Variants in GRID2 observed in about 807,000 individuals in gnomAD.
The protein encoded by GRID2 is glutamate receptor ionotropic, delta-2.
GRID2 carries 33 observed loss-of-function variants against 114.8 expected under a neutral mutation model. That is an observed-to-expected ratio of 0.29 (90% CI 0.22 to 0.38). The LOEUF (loss-of-function observed/expected upper bound fraction) is 0.38. Among genes scored for constraint, GRID2 ranks in the 10% least tolerant of loss-of-function variants. GRID2 has a pLI of 1.00. For missense variants in GRID2, 1,184 were observed against 1,257.7 expected, an observed-to-expected ratio of 0.94 and a Z score of 0.89; for synonymous variants, 505 against 449.9, an observed-to-expected ratio of 1.12 and a Z score of -1.55.
intron 14 of GRID2, among the ~76,000 whole-genome samples, chr4:93,696,022 C>T (rs1314434314): frequency 1.3e-5 from 2 of 152,196 alleles, no homozygotes; most frequent in Non-Finnish European, 2.9e-5. Flanking sequence ...AACGTATTTA[C>T]ACACTGCTTA....
At chr4:93,702,829 T>C in intron 14 of GRID2, among the ~76,000 whole-genome samples, 1 of 152,182 alleles carries the variant, frequency 6.6e-6, no homozygotes, top group Non-Finnish European at 1.5e-5. Flanking sequence ...AAATGCAGTT[T>C]GCATTCTAAT....
intron 7 of GRID2, among the ~76,000 whole-genome samples, chr4:93,228,298 G>A (rs370667534): frequency 2.0e-5 from 3 of 152,080 alleles, no homozygotes; most frequent in African/African-American, 4.8e-5. Flanking sequence ...GCAAGCAAGC[G>A]CATGAGACAG....
intron 13 of GRID2, among the ~76,000 whole-genome samples, chr4:93,573,830 A>T (rs535577036): frequency 6.6e-6 from 1 of 152,278 alleles, no homozygotes; most frequent in East Asian, 1.9e-4. Flanking sequence ...TAGATAAAAC[A>T]TTGTTGAAAT....
At chr4:92,628,033 C>G (rs1730608071) in intron 2 of GRID2, among the ~76,000 whole-genome samples, 1 of 152,046 alleles carries the variant, frequency 6.6e-6, no homozygotes, top group African/African-American at 2.4e-5. Flanking sequence ...TGATCGAGAG[C>G]ATAGCTAATA....
chr4:93,608,177 A>C (rs1740484174), intron 13 of GRID2, among the ~76,000 whole-genome samples: 1 of 150,144 alleles, frequency 6.7e-6, no homozygotes. Flanking sequence ...TTCTGGATTT[A>C]ATAAGTTGGT....
chr4:93,177,506 C>A (rs1459292043), intron 4 of GRID2, among the ~76,000 whole-genome samples: 1 of 151,974 alleles, frequency 6.6e-6, no homozygotes, highest in Non-Finnish European at 1.5e-5. Context: ...AGATTTAAAC[C>A]CACGTATATC....
intron 2 of GRID2, among the ~76,000 whole-genome samples, chr4:92,784,776 C>A (rs2149360616): frequency 6.6e-6 from 1 of 151,880 alleles, no homozygotes; most frequent in South Asian, 2.1e-4. Context: ...TGAAAAATAG[C>A]AAACCAGGTG....
At chr4:92,685,499 A>G (rs1199374268) in intron 2 of GRID2, among the ~76,000 whole-genome samples, 1 of 152,076 alleles carries the variant, frequency 6.6e-6, no homozygotes, top group Admixed American at 6.5e-5. Context: ...GATAAGTTAA[A>G]AAATAGACAA....
chr4:93,673,365 G>A (rs1356420754), intron 14 of GRID2, among the ~76,000 whole-genome samples: 4 of 152,084 alleles, frequency 2.6e-5, no homozygotes, highest in African/African-American at 9.7e-5. Context: ...TTAAAAGATT[G>A]TATCAAAACT....
intron 4 of GRID2, among the ~76,000 whole-genome samples, chr4:93,132,832 G>A (rs1437889264): frequency 6.6e-6 from 1 of 152,150 alleles, no homozygotes; most frequent in Non-Finnish European, 1.5e-5. Flanking sequence ...TCAGTACTCA[G>A]CGTGCTGTGA....
At chr4:92,590,014 G>A (rs1168411417) in intron 1 of GRID2, 117 bp from the exon 2 acceptor site, 2 of 661,222 alleles carry the variant, frequency 3.0e-6, no homozygotes, top group Non-Finnish European at 5.3e-6. Flanking sequence ...TAAATAAAGT[G>A]CATGCTCTAA....
At chr4:93,778,312 A>G (rs1384675171), downstream of GRID2, among the ~76,000 whole-genome samples, 1 of 152,046 alleles carries the variant, frequency 6.6e-6, no homozygotes, top group Non-Finnish European at 1.5e-5. Flanking sequence ...AGTTATCTAT[A>G]AGATTTATTG....
intron 8 of GRID2, among the ~76,000 whole-genome samples, chr4:93,239,171 AATATAT>A (rs10596123): frequency 2.1e-5 from 3 of 144,896 alleles, no homozygotes; most frequent in East Asian, 4.0e-4. Context: ...TGATATATAT[AATATAT>A]ATATATATAG....
chr4:92,633,558 G>A (rs1051899182), intron 2 of GRID2, among the ~76,000 whole-genome samples: 2 of 152,142 alleles, frequency 1.3e-5, no homozygotes, highest in African/African-American at 4.8e-5. Flanking sequence ...TCTGTCTTCT[G>A]TTTTCCACTA....
At chr4:92,563,527 A>G (rs762608729) in intron 1 of GRID2, among the ~76,000 whole-genome samples, 31 of 152,120 alleles carry the variant, frequency 2.0e-4, no homozygotes, top group Non-Finnish European at 4.3e-4. Flanking sequence ...AGGATTATGT[A>G]TAGTTCTAAT....
At chr4:92,933,176 TA>T (rs1750377901) in intron 2 of GRID2, among the ~76,000 whole-genome samples, 1 of 150,660 alleles carries the variant, frequency 6.6e-6, no homozygotes, top group African/African-American at 2.4e-5. Context: ...TATATATATG[TA>T]ATGTTTCCCT....
At chr4:92,665,925 T>C (rs1316859757) in intron 2 of GRID2, among the ~76,000 whole-genome samples, 1 of 151,522 alleles carries the variant, frequency 6.6e-6, no homozygotes, top group Non-Finnish European at 1.5e-5. Context: ...AATATCGAAT[T>C]CATTAAAGTT....
At chr4:93,743,303 G>A (rs924965156) in intron 14 of GRID2, among the ~76,000 whole-genome samples, 1 of 152,164 alleles carries the variant, frequency 6.6e-6, no homozygotes, top group African/African-American at 2.4e-5. Flanking sequence ...TAACATAAAA[G>A]TGCAGGGTAA....
intron 2 of GRID2, among the ~76,000 whole-genome samples, chr4:92,641,290 C>T (rs1731334751): frequency 7.3e-6 from 1 of 137,312 alleles, no homozygotes; most frequent in Admixed American, 7.6e-5. Flanking sequence ...CTTTTTGTTA[C>T]TTTATTAAAT....
Sources: gnomAD v4.1 joint callset for allele counts (sites outside exome capture counted in the v4.1 genomes callset) on GRCh38, gnomAD v4.1.1 for gene constraint, MANE v1.5 for transcripts, NCBI Gene and HGNC (gene_info 2026-07-23, HGNC 2026-07-21) for gene names.